UBN2: variants seen among roughly 807,000 people sequenced by gnomAD.
UBN2 encodes ubinuclein 2, also known as ubinuclein-2.
Under a neutral mutation model 120.2 loss-of-function variants are expected in UBN2, and 35 were observed. That is an observed-to-expected ratio of 0.29 (90% CI 0.22 to 0.39). UBN2 has a LOEUF of 0.39. UBN2 is among the 10% of genes least tolerant of loss of function. The probability of loss-of-function intolerance (pLI) is 1.00; values close to 1 mark genes in which losing one functional copy is unlikely to be tolerated. For synonymous variants in UBN2, 661 were observed against 648.7 expected, an observed-to-expected ratio of 1.02 and a Z score of -0.29; for missense variants, 1,693 against 1,663.2, an observed-to-expected ratio of 1.02 and a Z score of -0.31.
chr7:139,319,068 GTTGTT>G, the UBN2 span, among the ~76,000 whole-genome samples: 1 of 151,980 alleles, frequency 6.6e-6, no homozygotes, highest in Non-Finnish European at 1.5e-5. Context: ...TTTTGTTGTT[GTTGTT>G]TTGTTTTGTT....
the UBN2 span, among the ~76,000 whole-genome samples, chr7:139,321,074 G>T: frequency 1.3e-5 from 2 of 152,164 alleles, no homozygotes; most frequent in African/African-American, 2.4e-5. Context: ...ACTAAAATGG[G>T]ACTCTTTCTG....
chr7:139,324,635 A>G, the UBN2 span, among the ~76,000 whole-genome samples: 166 of 151,496 alleles, frequency 1.1e-3, 1 homozygote, highest in African/African-American at 3.9e-3. Flanking sequence ...AGAAATGTTT[A>G]TCACTGTGCA....
In UBN2 at chr7:139,298,267, G is replaced by A. The variant is rs531836909; in HGVS notation, c.*431G>A. The A allele has an allele frequency of 5.9e-6, 1 of 169,796 alleles. No homozygotes were observed. The highest frequency in any genetic ancestry group is 1.6e-4 in the South Asian group (1 of 6,216). 10.5% of individuals were successfully genotyped at this position (169,796 alleles called of 1,614,324 possible). On this transcript the variant is annotated 3_prime_UTR_variant, in exon 18 of 18. Coordinates refer to ENST00000473989, the MANE Select transcript of UBN2 (RefSeq NM_173569.4). ...TTAAAAACTGGAATTAGGCCAGTTTGTCAGGAATAATGATCATGTCTATTT... is the reference window on the plus strand; with the variant it reads ...TTAAAAACTGGAATTAGGCCAGTTTATCAGGAATAATGATCATGTCTATTT...
intron 17 of UBN2, among the ~76,000 whole-genome samples, chr7:139,296,963 G>A (rs939940311): frequency 6.6e-6 from 1 of 152,096 alleles, no homozygotes; most frequent in Admixed American, 6.6e-5. Context: ...GGGAGGTTGA[G>A]GCAGGGTGGA....
intron 15 of UBN2, among the ~76,000 whole-genome samples, chr7:139,292,694 C>T (rs940789809): frequency 6.6e-6 from 1 of 151,980 alleles, no homozygotes; most frequent in South Asian, 2.1e-4. Flanking sequence ...AGGTGCAGTA[C>T]TAGATATTTA....
intron 2 of UBN2, among the ~76,000 whole-genome samples, chr7:139,243,015 A>G (rs1176923907): frequency 6.6e-6 from 1 of 152,180 alleles, no homozygotes; most frequent in African/African-American, 2.4e-5. Context: ...TGCTCTGTCT[A>G]CTAGAGGTTA....
chr7:139,231,790 G>A lies in UBN2; in HGVS notation c.306G>A (p.Leu102=), dbSNP rs551040052. ...RPEPPPPFPP[L]PLQPPPPRES... Reference sequence around the variant, plus strand: ...AGCCGCCGCCGCCGTTCCCGCCGCTGCCCTTGCAGCCGCCCCCGCCGCGGG... The same window carrying A: ...AGCCGCCGCCGCCGTTCCCGCCGCTACCCTTGCAGCCGCCCCCGCCGCGGG... Residue 102 remains leucine, a synonymous_variant, in exon 1 of 18, where the codon CTG becomes CTA. Transcript: ENST00000473989. 90 of 1,388,274 alleles carry A rather than the reference G, an allele frequency of 6.5e-5. 3 individuals are homozygous for A. In the South Asian group the frequency reaches 1.4e-3, roughly 21 times the overall value. The allele number at this position is 1,388,274 out of a possible 1,614,324, so 86.0% of individuals were successfully genotyped here. A position where few individuals can be genotyped will look rare whatever the true frequency, so the allele number is the denominator to read the frequency against.
At position 139,283,544 on chromosome 7, in the gene UBN2, G is replaced by A. The variant is rs745869531; in HGVS notation, c.2639G>A (p.Gly880Glu). ...TTGCCAGCCAGGCTACTTCAACAAG[G>A]ACTTCAGAGGTCAAGCCAGATTCAC... ...EPLPARLLQQ[G>E]LQRSSQIHTS... The change falls in exon 15 of 18, where the codon GGA (glycine) becomes GAA (glutamate). Residue 880 changes from glycine to glutamate, a missense_variant. Physicochemically the swap from Gly to Glu is moderately conservative, Grantham distance 98 (BLOSUM62 -2). Coordinates refer to ENST00000473989, the MANE Select transcript of UBN2 (RefSeq NM_173569.4). The A allele has an allele frequency of 5.6e-6, 9 of 1,613,998 alleles. No individual in the cohort carries two copies. The highest frequency in any genetic ancestry group is 4.0e-5 in the African/African-American group (3 of 74,886).
intron 6 of UBN2, among the ~76,000 whole-genome samples, chr7:139,264,071 T>C (rs1797018503): frequency 6.6e-6 from 1 of 152,218 alleles, no homozygotes; most frequent in Non-Finnish European, 1.5e-5. Flanking sequence ...CCTGTGATGA[T>C]TATTGAATCT....
intron 5 of UBN2, 49 bp from the exon 6 acceptor site, chr7:139,261,203 T>C (rs755032839): frequency 4.6e-6 from 7 of 1,529,424 alleles, no homozygotes; most frequent in African/African-American, 2.8e-5. Flanking sequence ...TGTGACACTT[T>C]AACGTTTAAA....
the UBN2 span, among the ~76,000 whole-genome samples, chr7:139,324,899 G>A: frequency 4.6e-5 from 7 of 152,016 alleles, no homozygotes; most frequent in African/African-American, 1.2e-4. Context: ...TGAACCTGGA[G>A]GCAGAGGTTG....
chr7:139,281,095 A>G (rs1797594979), intron 13 of UBN2, among the ~76,000 whole-genome samples: 1 of 152,168 alleles, frequency 6.6e-6, no homozygotes, highest in African/African-American at 2.4e-5. Flanking sequence ...TCCATAAAGG[A>G]TTGGTTACAT....
At chr7:139,272,547 G>A (rs1307055555) in intron 9 of UBN2, 107 bp downstream of exon 9, 2 of 725,652 alleles carry the variant, frequency 2.8e-6, no homozygotes, top group African/African-American at 2.6e-5. Flanking sequence ...TGTATTTTGA[G>A]ACGGAATCTC....
At chr7:139,260,998 A>G (rs1796915162) in intron 5 of UBN2, among the ~76,000 whole-genome samples, 1 of 152,220 alleles carries the variant, frequency 6.6e-6, no homozygotes, top group South Asian at 2.1e-4. Flanking sequence ...GATTTCTAGG[A>G]GGAAGTAATA....
intron 2 of UBN2, among the ~76,000 whole-genome samples, chr7:139,241,975 C>T (rs74791651): frequency 1.3e-5 from 2 of 151,758 alleles, no homozygotes; most frequent in African/African-American, 2.4e-5. Flanking sequence ...TCCAGCCTGG[C>T]GACAAGAGCG....
At chr7:139,238,036 A>G (rs1028005096) in intron 2 of UBN2, among the ~76,000 whole-genome samples, 1 of 152,236 alleles carries the variant, frequency 6.6e-6, no homozygotes, top group Non-Finnish European at 1.5e-5. Context: ...TTTTTCTCAA[A>G]TTTTCTAGTA....
chr7:139,251,937 A>C lies in UBN2; in HGVS notation c.562-19A>C. ...ACAGCATGAGTACCAAATCAGTCTA[A>C]TGTATCTGTTCTTTGCAGGGTGGGA... On this transcript the variant is annotated intron_variant, in intron 2 of 17. Coordinates refer to ENST00000473989, the MANE Select transcript of UBN2 (RefSeq NM_173569.4). 1 of 1,606,678 alleles carries C rather than the reference A, an allele frequency of 6.2e-7. No homozygotes were observed. The highest frequency in any genetic ancestry group is 8.5e-7 in the Non-Finnish European group (1 of 1,173,194).
At chr7:139,244,310 A>ATCC (rs1361975854) in intron 2 of UBN2, among the ~76,000 whole-genome samples, 1 of 152,250 alleles carries the variant, frequency 6.6e-6, no homozygotes, top group Admixed American at 6.5e-5. Flanking sequence ...TTGAAAGTGT[A>ATCC]TCCTTTCAGG....
chr7:139,293,200 C>G (rs896247359), intron 15 of UBN2, 32 bp from the exon 16 acceptor site: 2 of 1,572,146 alleles, frequency 1.3e-6, no homozygotes, highest in African/African-American at 2.7e-5. Context: ...TGCTTTATTT[C>G]TTATGTATTT....
Sources: allele counts gnomAD v4.1 joint callset (sites outside exome capture counted in the v4.1 genomes callset), GRCh38; gene constraint gnomAD v4.1.1; transcripts MANE v1.5; gene names NCBI Gene and HGNC (gene_info 2026-07-23, HGNC 2026-07-21).